The following PTCD3 variants were observed in gnomAD, a reference collection of about 807,000 sequenced individuals.
PTCD3 encodes pentatricopeptide repeat domain 3.
In PTCD3, 89 loss-of-function variants were observed where a neutral mutation model predicts 101.9. The ratio of observed to expected loss-of-function variants is 0.87; its 90% confidence interval spans 0.74 to 1.04. The LOEUF (loss-of-function observed/expected upper bound fraction) is 1.04, where lower values mean the gene tolerates loss of function less well. Among genes scored for constraint, PTCD3 ranks in the 50% least tolerant of loss-of-function variants. The pLI, the probability that PTCD3 is intolerant of heterozygous loss-of-function variation, is 0.00. For synonymous variants in PTCD3, 296 were observed against 278.5 expected (o/e 1.06, Z -0.63); for missense variants, 870 against 828.2 (o/e 1.05, Z -0.62).
intron 22 of PTCD3, 53 bp from the exon 23 acceptor site, chr2:86,136,929 A>G: frequency 6.2e-7 from 1 of 1,602,126 alleles, no homozygotes; most frequent in Non-Finnish European, 8.5e-7. Flanking sequence ...CTTGCCTATA[A>G]ATGTTTTACT....
At chr2:86,109,166 G>T (rs1477047011) in intron 3 of PTCD3, among the ~76,000 whole-genome samples, 1 of 152,192 alleles carries the variant, frequency 6.6e-6, no homozygotes, top group Non-Finnish European at 1.5e-5. Context: ...AGCACTTTGG[G>T]AGGCCGAGGC....
At chr2:86,128,082 G>A (rs950667200) in intron 14 of PTCD3, 91 bp downstream of exon 14, 20 of 1,063,494 alleles carry the variant, frequency 1.9e-5, no homozygotes, top group Non-Finnish European at 1.4e-5. Context: ...TATCTTCTCT[G>A]CATATGAATT....
At chr2:86,120,938 T>G (rs1425850451) in intron 7 of PTCD3, among the ~76,000 whole-genome samples, 2 of 152,198 alleles carry the variant, frequency 1.3e-5, no homozygotes, top group African/African-American at 4.8e-5. Context: ...GCAGATTATA[T>G]CTCATACTTG....
chr2:86,135,099 C>A, intron 21 of PTCD3, 112 bp downstream of exon 21: 2 of 1,286,176 alleles, frequency 1.6e-6, no homozygotes, highest in Non-Finnish European at 2.1e-6. Context: ...GTATTTGATT[C>A]GGGAACTTGC....
rs1674358021 is a variant in PTCD3, at chr2:86,125,023, T to C, written c.745T>C (p.Ser249Pro). 6.2e-7 allele frequency: 1 copy of C among 1,614,106 alleles called. No homozygotes were observed. The highest frequency in any genetic ancestry group is 8.5e-7 in the Non-Finnish European group (1 of 1,180,016). The change falls in exon 10 of 24, where the codon TCT becomes CCT. Residue 249 changes from serine (S) to proline (P), a missense_variant. Ser to Pro is a moderately conservative substitution (Grantham distance 74). Transcript: ENST00000254630. ...AAAAAACAACGCTGAGAGAATCTTT[T>C]CTCTAATGCCAGAGAAAAATGAACA... ...RAKNNAERIF[S>P]LMPEKNEHSY...
At chr2:86,106,444 G>C in intron 1 of PTCD3, 93 bp downstream of exon 1, 1 of 1,343,770 alleles carries the variant, frequency 7.4e-7, no homozygotes, top group Non-Finnish European at 1.0e-6. Flanking sequence ...ACGATGAAAT[G>C]GTTTGCTCAT....
Position 86,130,735 on chromosome 2 carries a change from A to G in PTCD3, c.1235A>G (p.Asp412Gly). 3 of 1,613,412 alleles carry G rather than the reference A, an allele frequency of 1.9e-6. No individual in the cohort carries two copies. Among genetic ancestry groups the G allele is most frequent in the Non-Finnish European group, 2.5e-6 (3 of 1,179,680 alleles). Reference sequence around the variant, plus strand: ...AGATTTTCTCCAAAGGACCCGGATGATGGCATGTATAGAAATCACTTGTGT... The same window carrying G: ...AGATTTTCTCCAAAGGACCCGGATGGTGGCATGTATAGAAATCACTTGTGT... ...GKRFSPKDPDDDKFFQSAMSI... is the reference protein window; with the variant it reads ...GKRFSPKDPDGDKFFQSAMSI... Residue 412 changes from aspartate to glycine, a missense_variant and splice_region_variant, in exon 15 of 24, where the codon GAT (aspartate) becomes GGT (glycine). By Grantham distance (94) the Asp-to-Gly change is moderately conservative. Transcript: ENST00000254630.
At chr2:86,121,733 A>T in intron 8 of PTCD3, 139 bp downstream of exon 8, 2 of 522,308 alleles carry the variant, frequency 3.8e-6, no homozygotes, top group Non-Finnish European at 3.4e-6. Context: ...GATAGCCTTG[A>T]TAAAAAGTGG....
intron 17 of PTCD3, 52 bp from the exon 18 acceptor site, chr2:86,133,126 G>A (rs1352800773): frequency 1.3e-6 from 2 of 1,583,394 alleles, no homozygotes; most frequent in East Asian, 2.2e-5. Context: ...TATTTCCCCT[G>A]TTGTTAGACA....
intron 3 of PTCD3, among the ~76,000 whole-genome samples, chr2:86,109,621 C>G (rs1048725676): frequency 2.0e-5 from 3 of 152,136 alleles, no homozygotes; most frequent in Non-Finnish European, 4.4e-5. Flanking sequence ...ATTGGAACAG[C>G]TCTTTGGAGG....
intron 4 of PTCD3, among the ~76,000 whole-genome samples, chr2:86,113,318 C>T (rs148869493): frequency 2.0e-4 from 30 of 152,292 alleles, no homozygotes; most frequent in African/African-American, 7.0e-4. Flanking sequence ...GTAAATGCAT[C>T]AGAAATGGAA....
At chr2:86,132,466 A>AT in intron 17 of PTCD3, 42 bp downstream of exon 17, 2 of 1,408,050 alleles carry the variant, frequency 1.4e-6, no homozygotes, top group Non-Finnish European at 2.0e-6. Context: ...GAGTTACCAG[A>AT]TTCTGCAAGT....
chr2:86,117,333 A>G (rs1674193873), intron 6 of PTCD3, among the ~76,000 whole-genome samples, 174 bp downstream of exon 6: 1 of 152,052 alleles, frequency 6.6e-6, no homozygotes, highest in South Asian at 2.1e-4. Context: ...TTCTTTCTGT[A>G]TTTATTTGCT....
chr2:86,119,218 T>G (rs1674237002), intron 7 of PTCD3, 174 bp downstream of exon 7: 1 of 841,282 alleles, frequency 1.2e-6, no homozygotes, highest in Non-Finnish European at 1.7e-6. Context: ...TAGTGTTACT[T>G]AAGAATTACA....
At chr2:86,116,828 A>G (rs1674186525) in intron 5 of PTCD3, among the ~76,000 whole-genome samples, 1 of 152,204 alleles carries the variant, frequency 6.6e-6, no homozygotes, top group South Asian at 2.1e-4. Context: ...GGAGTGACCC[A>G]CTCAGTTTAA....
Position 86,121,504 on chromosome 2 carries a change from A to G in PTCD3, c.564A>G (p.Thr188=). The G allele has an allele frequency of 6.2e-7, 1 of 1,605,830 alleles. No homozygotes were observed. Among genetic ancestry groups the G allele is most frequent in the Non-Finnish European group, 8.5e-7 (1 of 1,177,144 alleles). The part of the protein sequence containing the change: ...QAGTTVSLET[T]NSLLDLLCYY... ...GAACCACTGTGTCTCTTGAAACAAC[A>G]AATAGTCTCTTGGATTTATTGTGTT... Residue 188 remains threonine, a synonymous_variant, in exon 8 of 24, where the codon ACA becomes ACG. Coordinates refer to ENST00000254630, the MANE Select transcript of PTCD3 (RefSeq NM_017952.6).
intron 4 of PTCD3, among the ~76,000 whole-genome samples, chr2:86,115,578 A>AG (rs1357919173): frequency 6.6e-6 from 1 of 152,228 alleles, no homozygotes; most frequent in Admixed American, 6.5e-5. Flanking sequence ...TTCCGTTGAG[A>AG]GCTGCAGGGA....
chr2:86,106,474 G>A, intron 1 of PTCD3, 123 bp downstream of exon 1: 1 of 936,424 alleles, frequency 1.1e-6, no homozygotes, highest in Non-Finnish European at 1.6e-6. Flanking sequence ...TAACGGTCGC[G>A]TGCCCTTAAG....
Position 86,118,992 on chromosome 2 carries a change from G to A in PTCD3, c.486G>A (p.Glu162=), listed in dbSNP as rs771406391. ...AAGCCGCCCTGAAGGAACGAATTGAGCTCAGAAAAGTCAAAGCCTCTGTGG... is the reference window on the plus strand; with the variant it reads ...AAGCCGCCCTGAAGGAACGAATTGAACTCAGAAAAGTCAAAGCCTCTGTGG... ...ISEAALKERI[E]LRKVKASVDM... Residue 162 remains glutamate (E), a synonymous_variant, in exon 7 of 24, where the codon GAG becomes GAA. Transcript: ENST00000254630. The A allele has an allele frequency of 3.7e-6, 6 of 1,614,116 alleles. No individual in the cohort carries two copies. Among genetic ancestry groups the A allele is most frequent in the Non-Finnish European group, 5.1e-6 (6 of 1,180,008 alleles).
Sources: gnomAD v4.1 joint callset for allele counts (sites outside exome capture counted in the v4.1 genomes callset) on GRCh38, gnomAD v4.1.1 for gene constraint, MANE v1.5 for transcripts, NCBI Gene and HGNC (gene_info 2026-07-23, HGNC 2026-07-21) for gene names.